Variants in OTOF observed in about 807,000 individuals in gnomAD.
OTOF encodes otoferlin, also known as fer-1-like family member 2.
In OTOF, 218 loss-of-function variants were observed where a neutral mutation model predicts 236.8. That is an observed-to-expected ratio of 0.92 (90% CI 0.82 to 1.03). The LOEUF (loss-of-function observed/expected upper bound fraction) is 1.03, where lower values mean the gene tolerates loss of function less well. OTOF is among the 50% of genes least tolerant of loss of function. The probability of loss-of-function intolerance (pLI) is 0.00; values close to 1 mark genes in which losing one functional copy is unlikely to be tolerated. For missense variants in OTOF, 2,590 were observed against 2,694.4 expected (o/e 0.96, Z 0.86); for synonymous variants, 1,041 against 1,072.5 (o/e 0.97, Z 0.57).
At chr2:26,512,692 G>A (rs189370301) in intron 5 of OTOF, among the ~76,000 whole-genome samples, 47 of 152,282 alleles carry the variant, frequency 3.1e-4, no homozygotes, top group African/African-American at 1.1e-3. Context: ...GTATAGGGTG[G>A]GGAGCAAGAG....
At chr2:26,527,159 G>A (rs1363490637) in intron 3 of OTOF, among the ~76,000 whole-genome samples, 1 of 152,232 alleles carries the variant, frequency 6.6e-6, no homozygotes, top group African/African-American at 2.4e-5. Flanking sequence ...GCTCCATGAA[G>A]GTAGGCACCC....
intron 11 of OTOF, among the ~76,000 whole-genome samples, chr2:26,488,698 C>T (rs766355879): frequency 3.3e-5 from 5 of 152,350 alleles, no homozygotes; most frequent in South Asian, 2.1e-4. Flanking sequence ...ACTTCACCCC[C>T]GGCCAGCTGT....
chr2:26,507,933 C>T (rs945784631), intron 5 of OTOF, among the ~76,000 whole-genome samples: 6 of 152,138 alleles, frequency 3.9e-5, no homozygotes, highest in African/African-American at 1.4e-4. Context: ...GATTTAGAAG[C>T]GTGTTGCTGT....
At chr2:26,482,742 T>G (rs893349665) in intron 13 of OTOF, 150 bp from the exon 14 acceptor site, 2 of 658,478 alleles carry the variant, frequency 3.0e-6, no homozygotes, top group African/African-American at 3.6e-5. Flanking sequence ...GATGCATGTG[T>G]GCGTGTGTGA....
chr2:26,461,074 T>C lies in OTOF; in HGVS notation c.5534-44A>G. The C allele has an allele frequency of 7.2e-6, 1 of 139,718 alleles. No homozygotes were observed. Among genetic ancestry groups the C allele is most frequent in the Non-Finnish European group, 1.4e-5 (1 of 71,114 alleles). 8.7% of individuals were successfully genotyped at this position (139,718 alleles called of 1,614,324 possible). A position where few individuals can be genotyped will look rare whatever the true frequency, so the allele number is the denominator to read the frequency against. On this transcript the variant is annotated intron_variant, in intron 43 of 46. Transcript: ENST00000272371. The surrounding 1 kb of genome is among the most constrained non-coding windows in gnomAD (Gnocchi z 6.2). ...CAGCTCAGAGTGAACAGGGCTGGGG[T>C]GGGGCGGGGTGGGGGTGGGGGTCTG...
intron 1 of OTOF, among the ~76,000 whole-genome samples, chr2:26,556,149 A>G (rs1203632284): frequency 2.6e-5 from 4 of 151,422 alleles, no homozygotes; most frequent in African/African-American, 9.7e-5. Flanking sequence ...CTCCCTCACC[A>G]CCTCCCCCGG....
Position 26,460,864 on chromosome 2 carries a change from C to T in OTOF, c.5700G>A (p.Glu1900=), listed in dbSNP as rs143325189. 1.2e-5 allele frequency: 20 copies of T among 1,613,972 alleles called. No individual in the cohort carries two copies. In the South Asian group the frequency reaches 2.0e-4, roughly 16 times the overall value. The change falls in exon 44 of 47, where the codon GAG becomes GAA. Residue 1900 remains glutamate, a synonymous_variant. Coordinates refer to ENST00000272371, the MANE Select transcript of OTOF (RefSeq NM_194248.3). This position sits in a 1 kb window ranked among gnomAD's most constrained non-coding sequence, Gnocchi z 5.3. ...WPLLARNEND[E]FELTGKVEAE... ...AAGGGGTGCGCACCGTGAGCTCAAA[C>T]TCATCGTTCTCATTGCGGGCCAGGA...
At position 26,501,574 on chromosome 2, in the gene OTOF, A is replaced by G. The variant is rs7589019; in HGVS notation, c.765+180T>C. ...CTTTTCTTTGGGTTTGTATCTCTCT[A>G]CTGATGATACTTCTAGGAATGCCTC... On this transcript the variant is annotated intron_variant, in intron 8 of 46. Coordinates refer to ENST00000272371, the MANE Select transcript of OTOF (RefSeq NM_194248.3). 0.25 allele frequency among the ~76,000 whole-genome samples: 37,900 copies of G among 152,032 alleles called. 5,655 individuals carry two copies. The highest frequency in any genetic ancestry group is 0.51 in the East Asian group (2,613 of 5,170).
chr2:26,521,525 C>T (rs113473717), intron 3 of OTOF, among the ~76,000 whole-genome samples: 185 of 152,288 alleles, frequency 1.2e-3, no homozygotes, highest in African/African-American at 4.1e-3. Flanking sequence ...AGGAGGAATC[C>T]CTGAAACAAC....
Position 26,477,507 on chromosome 2 carries a change from C to T in OTOF, c.2316-1G>A, listed in dbSNP as rs1332434505. On this transcript the variant is annotated splice_acceptor_variant, in intron 19 of 46. Transcript: ENST00000272371. LOFTEE classifies it high-confidence loss of function. This position sits in a 1 kb window ranked among gnomAD's most constrained non-coding sequence, Gnocchi z 4.7. ...CTTGTCAGCGAGGGAGAGGAAGCGG[C>T]TGGGGGTAGGGCGAGCCGGGGTTTA... 1.2e-6 allele frequency: 2 copies of T among 1,602,686 alleles called. No individual in the cohort carries two copies. The highest frequency in any genetic ancestry group is 1.7e-6 in the Non-Finnish European group (2 of 1,175,388).
rs796661291 is a variant in OTOF, at chr2:26,526,086, C to CAAAA, written c.227+1742_227+1745dup. ...TGGGCCACAGAGCAAGACTCTGTCT[C>CAAAA]AAAAAAAAAAAAAAAAAAAAGGAAA... On this transcript the variant is annotated intron_variant, in intron 3 of 46. Coordinates refer to ENST00000272371, the MANE Select transcript of OTOF (RefSeq NM_194248.3). Among the ~76,000 whole-genome samples the CAAAA allele has an allele frequency of 5.0e-4, 29 of 58,382 alleles. 1 individual carries two copies. Among genetic ancestry groups the CAAAA allele is most frequent in the African/African-American group, 1.5e-3 (27 of 18,606 alleles). 38.3% of individuals were successfully genotyped at this position (58,382 alleles called of 152,430 possible).
chr2:26,509,301 C>T (rs1399032091), intron 5 of OTOF, among the ~76,000 whole-genome samples: 2 of 152,324 alleles, frequency 1.3e-5, no homozygotes, highest in African/African-American at 4.8e-5. Context: ...TCCCCATCAT[C>T]GCCACCCACC....
chr2:26,465,244 C>T (rs982789507), intron 38 of OTOF, among the ~76,000 whole-genome samples: 1 of 152,152 alleles, frequency 6.6e-6, no homozygotes, highest in South Asian at 2.1e-4. Context: ...ATCAGTGTCC[C>T]CAGCCTAGCC....
rs397515598 is a variant in OTOF at position 26,474,562 on chromosome 2, C to T, written c.3239G>A (p.Arg1080His). Residue 1080 changes from arginine to histidine, a missense_variant, in exon 26 of 47, where the codon CGT becomes CAT. By Grantham distance (29) the Arg-to-His change is conservative. Around this residue, in one of 2 missense-constraint regions of OTOF, gnomAD observed 1,211 missense variants for 1,352.8 expected, o/e 0.90. Coordinates refer to ENST00000272371, the MANE Select transcript of OTOF (RefSeq NM_194248.3). ...PPQLEYYQIY[R>H]GNATAGDLLA... The stretch of plus-strand genomic sequence containing the variant: ...CAGGTCTCCAGCTGTGGCGTTGCCA[C>T]GGTAGATCTGGTAGTACTCGAGCTG... 1.5e-5 allele frequency: 25 copies of T among 1,612,966 alleles called. No individual in the cohort carries two copies. The highest frequency in any genetic ancestry group is 8.9e-5 in the East Asian group (4 of 44,896).
At chr2:26,542,253 C>T (rs1052431791) in intron 1 of OTOF, among the ~76,000 whole-genome samples, 3 of 152,346 alleles carry the variant, frequency 2.0e-5, no homozygotes, top group Admixed American at 6.5e-5. Flanking sequence ...TGCAGGGACA[C>T]GGCTGCCAGC....
chr2:26,536,736 G>A (rs543388260), intron 2 of OTOF, among the ~76,000 whole-genome samples: 49 of 152,296 alleles, frequency 3.2e-4, no homozygotes, highest in Admixed American at 2.6e-4. Flanking sequence ...CAGGAGAGAG[G>A]GGGTACACTA....
rs1246539724 is a variant in OTOF, at chr2:26,502,848, C to T, written c.584-422G>A. Among the ~76,000 whole-genome samples, 3 of 152,298 alleles carry T rather than the reference C, an allele frequency of 2.0e-5. No homozygotes were observed. In the East Asian group the frequency reaches 5.8e-4, roughly 29 times the overall value. On this transcript the variant is annotated intron_variant, in intron 6 of 46. Transcript: ENST00000272371. The stretch of plus-strand genomic sequence containing the variant: ...TAGAGCTGTGCCCTGCCAAGATGGG[C>T]GTTATTCTCATGTCACAGGTACAGA...
chr2:26,499,787 A>G (rs1666074874), intron 8 of OTOF, among the ~76,000 whole-genome samples: 1 of 152,156 alleles, frequency 6.6e-6, no homozygotes, highest in Admixed American at 6.6e-5. Flanking sequence ...GAGTCACTGC[A>G]CCCGGCCTGC....
chr2:26,498,748 C>T (rs1008595343), intron 8 of OTOF, among the ~76,000 whole-genome samples: 1 of 152,202 alleles, frequency 6.6e-6, no homozygotes, highest in Admixed American at 6.5e-5. Flanking sequence ...GCTTTGTGAC[C>T]TGCTTCCCAG....
Sources: gnomAD v4.1 joint callset for allele counts (sites outside exome capture counted in the v4.1 genomes callset) on GRCh38, gnomAD v4.1.1 for gene constraint, gnomAD v4.1.1 regional missense constraint, Gnocchi (gnomAD v3.1) non-coding constraint, MANE v1.5 for transcripts, NCBI Gene and HGNC (gene_info 2026-07-23, HGNC 2026-07-21) for gene names.